Variants in MAGI2 observed in about 807,000 individuals in gnomAD.
MAGI2 encodes membrane-associated guanylate kinase, WW and PDZ domain-containing protein 2.
In MAGI2, 35 loss-of-function variants were observed where a neutral mutation model predicts 133.3. That is an observed-to-expected ratio of 0.26 (90% confidence interval 0.20 to 0.35). The LOEUF is 0.35. Among genes scored for constraint, MAGI2 ranks in the 10% least tolerant of loss-of-function variants. The pLI, the probability that MAGI2 is intolerant of heterozygous loss-of-function variation, is 1.00. For synonymous variants in MAGI2, 729 were observed against 710.6 expected (o/e 1.03, Z -0.41); for missense variants, 1,636 against 1,863.4 (o/e 0.88, Z 2.25).
intron 1 of MAGI2, among the ~76,000 whole-genome samples, chr7:79,261,678 G>T (rs1481573964): frequency 2.6e-5 from 4 of 151,958 alleles, no homozygotes; most frequent in Admixed American, 6.6e-5. Flanking sequence ...GCCTCACATT[G>T]TCTAGATATT....
At chr7:78,160,673 T>C (rs746607602) in intron 15 of MAGI2, among the ~76,000 whole-genome samples, 2 of 152,202 alleles carry the variant, frequency 1.3e-5, no homozygotes, top group Non-Finnish European at 2.9e-5. Flanking sequence ...AAGAATCACT[T>C]AAATAAATTG....
At chr7:78,852,960 G>C (rs1019188211) in intron 2 of MAGI2, among the ~76,000 whole-genome samples, 4 of 152,244 alleles carry the variant, frequency 2.6e-5, no homozygotes, top group African/African-American at 9.6e-5. Context: ...TCAATACAAA[G>C]TTGCTGTTTG....
chr7:79,167,426 C>A, intron 1 of MAGI2, among the ~76,000 whole-genome samples: 2 of 142,882 alleles, frequency 1.4e-5, no homozygotes, highest in Non-Finnish European at 1.5e-5. Flanking sequence ...AAACTCCAGG[C>A]AAAACATCAA....
intron 1 of MAGI2, among the ~76,000 whole-genome samples, chr7:79,227,959 T>C (rs1310895062): frequency 6.6e-6 from 1 of 152,194 alleles, no homozygotes; most frequent in Non-Finnish European, 1.5e-5. Context: ...TTGGCACCAC[T>C]GAAGTGAACA....
At position 79,265,695 on chromosome 7, in the gene MAGI2, A is replaced by G. The variant is rs192256611; in HGVS notation, c.301+187325T>C. Reference sequence around the variant, plus strand: ...AGTAAGTTTTGAGTTAGATTTTTTTAAAATTAAAGAAGTTCTCATGGTGGG... The same window carrying G: ...AGTAAGTTTTGAGTTAGATTTTTTTGAAATTAAAGAAGTTCTCATGGTGGG... On this transcript the variant is annotated intron_variant, in intron 1 of 21. Coordinates refer to ENST00000354212, the MANE Select transcript of MAGI2 (RefSeq NM_012301.4). 1.1e-3 allele frequency among the ~76,000 whole-genome samples: 160 copies of G among 152,224 alleles called. 1 individual carries two copies. The highest frequency in any genetic ancestry group is 1.4e-3 in the Non-Finnish European group (96 of 68,022).
chr7:79,019,912 G>A (rs189226754), intron 1 of MAGI2, among the ~76,000 whole-genome samples: 1 of 152,108 alleles, frequency 6.6e-6, no homozygotes, highest in African/African-American at 2.4e-5. Flanking sequence ...ACCAGGAGTG[G>A]GGTGCTGCTG....
chr7:78,982,599 C>A (rs544231434), intron 2 of MAGI2, among the ~76,000 whole-genome samples: 1 of 151,796 alleles, frequency 6.6e-6, no homozygotes, highest in Non-Finnish European at 1.5e-5. Context: ...AAGAAAGTCT[C>A]TTTGCCCTCC....
At chr7:79,254,454 A>G (rs898842062) in intron 1 of MAGI2, among the ~76,000 whole-genome samples, 6 of 152,168 alleles carry the variant, frequency 3.9e-5, no homozygotes, top group African/African-American at 1.4e-4. Flanking sequence ...TATGTTTTTA[A>G]AAAGTTTTCT....
At chr7:78,890,652 A>C (rs1796667075) in intron 2 of MAGI2, among the ~76,000 whole-genome samples, 1 of 152,238 alleles carries the variant, frequency 6.6e-6, no homozygotes, top group Non-Finnish European at 1.5e-5. Flanking sequence ...AAATGAAGGC[A>C]GAAATAAAGA....
intron 9 of MAGI2, among the ~76,000 whole-genome samples, chr7:78,285,042 T>C (rs182757401): frequency 3.3e-5 from 5 of 152,116 alleles, no homozygotes; most frequent in Admixed American, 3.3e-4. Context: ...CTCTGAATGG[T>C]TTAACAGCCG....
At chr7:78,874,345 A>G (rs1795256629) in intron 2 of MAGI2, among the ~76,000 whole-genome samples, 1 of 152,206 alleles carries the variant, frequency 6.6e-6, no homozygotes, top group Non-Finnish European at 1.5e-5. Context: ...TCCCAGCAGT[A>G]TACACAAGTA....
intron 4 of MAGI2, chr7:78,509,344 T>A (rs988934364): frequency 1.3e-5 from 2 of 152,190 alleles, no homozygotes; most frequent in Non-Finnish European, 2.9e-5. Context: ...ATTTTATTAA[T>A]ACCTACACTT....
At chr7:78,518,584 A>G (rs1425926475) in intron 4 of MAGI2, 1 of 152,222 alleles carries the variant, frequency 6.6e-6, no homozygotes, top group Non-Finnish European at 1.5e-5. Flanking sequence ...TAATGGAATA[A>G]TGTTACCTCA....
intron 1 of MAGI2, among the ~76,000 whole-genome samples, chr7:79,087,560 A>T (rs1816629669): frequency 6.6e-6 from 1 of 151,980 alleles, no homozygotes; most frequent in Admixed American, 6.6e-5. Flanking sequence ...GGCAGTTAAT[A>T]GATACTCATG....
chr7:79,216,849 C>T (rs1830068655), intron 1 of MAGI2, among the ~76,000 whole-genome samples: 1 of 152,046 alleles, frequency 6.6e-6, no homozygotes, highest in African/African-American at 2.4e-5. Context: ...AATTTGTTTA[C>T]ATCCTGGTAG....
intron 3 of MAGI2, among the ~76,000 whole-genome samples, chr7:78,540,102 G>C (rs1264130344): frequency 6.6e-6 from 1 of 152,180 alleles, no homozygotes; most frequent in African/African-American, 2.4e-5. Flanking sequence ...GCCTGGATAA[G>C]TATTCAGGTT....
At chr7:78,172,155 A>T (rs772840939) in intron 14 of MAGI2, among the ~76,000 whole-genome samples, 1 of 152,050 alleles carries the variant, frequency 6.6e-6, no homozygotes, top group Non-Finnish European at 1.5e-5. Context: ...CAGGGGAAAA[A>T]CTCACACTAA....
At chr7:78,062,459 A>G (rs1813387817) in intron 21 of MAGI2, among the ~76,000 whole-genome samples, 1 of 152,186 alleles carries the variant, frequency 6.6e-6, no homozygotes, top group African/African-American at 2.4e-5. Context: ...TTCCCAGCCT[A>G]TCTCTGGGTG....
chr7:78,189,087 C>G (rs1827968744), intron 12 of MAGI2, among the ~76,000 whole-genome samples: 1 of 152,146 alleles, frequency 6.6e-6, no homozygotes, highest in African/African-American at 2.4e-5. Flanking sequence ...AACTCTTGCT[C>G]ACTAATAACA....
Sources: allele counts gnomAD v4.1 joint callset (sites outside exome capture counted in the v4.1 genomes callset), GRCh38; gene constraint gnomAD v4.1.1; transcripts MANE v1.5; gene names NCBI Gene and HGNC (gene_info 2026-07-23, HGNC 2026-07-21).